The following WNK1 variants were observed in gnomAD, a reference collection of about 807,000 sequenced individuals.
The protein encoded by WNK1 is WNK lysine deficient protein kinase 1, also known as serine/threonine-protein kinase WNK1.
Under a neutral mutation model 222.8 loss-of-function variants are expected in WNK1, and 38 were observed. The ratio of observed to expected loss-of-function variants is 0.17; its 90% CI spans 0.13 to 0.22. The LOEUF is 0.22. WNK1 is among the 10% of genes least tolerant of loss of function. The pLI is 1.00. For synonymous variants in WNK1, 1,090 were observed against 1,092.9 expected (o/e 1.00, Z 0.05); for missense variants, 2,348 against 2,918.4 (o/e 0.80, Z 4.50).
At chr12:866,329 G>A (rs926082553) in intron 8 of WNK1, among the ~76,000 whole-genome samples, 2 of 152,158 alleles carry the variant, frequency 1.3e-5, no homozygotes, top group African/African-American at 4.8e-5. Context: ...AAAAAGCGGG[G>A]GAGGCTGTGA....
chr12:812,665 GT>G (rs1947014423), intron 1 of WNK1, among the ~76,000 whole-genome samples: 2 of 152,146 alleles, frequency 1.3e-5, no homozygotes, highest in Admixed American at 1.3e-4. Flanking sequence ...AATAATTGAT[GT>G]AATAACTGAA....
intron 4 of WNK1, among the ~76,000 whole-genome samples, chr12:836,707 T>A (rs998934386): frequency 6.6e-6 from 1 of 152,256 alleles, no homozygotes; most frequent in Admixed American, 6.5e-5. Context: ...AACTTAAAAG[T>A]ATGATTCTGA....
Position 885,964 on chromosome 12 carries a change from A to T in WNK1, c.5160A>T (p.Thr1720=). ...CLPPTNLPLG[T]VALPVTPVVT... is the part of the protein sequence containing the mutation. ...CACCAACCAATTTACCACTAGGAAC[A>T]GTTGCTTTGCCAGTTACACCAGTGG... is the stretch of plus-strand genomic sequence containing the variant. The change falls in exon 19 of 28, where the codon ACA becomes ACT. Residue 1720 remains threonine (T), a synonymous_variant. Transcript: ENST00000315939. The T allele has an allele frequency of 6.3e-7, 1 of 1,592,498 alleles. No individual in the cohort carries two copies. Among genetic ancestry groups the T allele is most frequent in the African/African-American group, 1.3e-5 (1 of 74,162 alleles).
intron 8 of WNK1, chr12:868,624 A>T: frequency 6.2e-7 from 1 of 1,614,018 alleles, no homozygotes; most frequent in Non-Finnish European, 8.5e-7. Context: ...GCAACTGTGT[A>T]TTTGAATTTC....
rs1245157534 is a variant in WNK1, at chr12:868,806, C to T, written c.2140-2459C>T. On this transcript the variant is annotated intron_variant, in intron 8 of 27. Transcript: ENST00000315939. ...ACTGAAGAAAAGCATAATTACCATGCCCCAGAATTGACCGTTTCTGTGGTA... is the reference window on the plus strand; with the variant it reads ...ACTGAAGAAAAGCATAATTACCATGTCCCAGAATTGACCGTTTCTGTGGTA... 15 of 1,613,902 alleles carry T rather than the reference C, an allele frequency of 9.3e-6. No individual in the cohort carries two copies. The highest frequency in any genetic ancestry group is 1.1e-5 in the Non-Finnish European group (13 of 1,179,900).
At chr12:890,554 C>T (rs200854033) in intron 22 of WNK1, 41 bp downstream of exon 22, 1 of 1,606,074 alleles carries the variant, frequency 6.2e-7, no homozygotes, top group East Asian at 2.2e-5. Context: ...CTAATTCCAG[C>T]CCTACCCGTA....
intron 25 of WNK1, among the ~76,000 whole-genome samples, chr12:899,087 G>A (rs996014297): frequency 2.6e-5 from 4 of 152,122 alleles, no homozygotes; most frequent in African/African-American, 4.8e-5. Context: ...TAATCCTTTG[G>A]TGAAATTATG....
intron 1 of WNK1, among the ~76,000 whole-genome samples, chr12:793,943 G>A (rs1945074452): frequency 6.6e-6 from 1 of 152,048 alleles, no homozygotes. Flanking sequence ...CCAGTTGTGT[G>A]GATAACCACT....
intron 26 of WNK1, chr12:904,560 C>G: frequency 9.0e-7 from 1 of 1,110,666 alleles, no homozygotes; most frequent in Non-Finnish European, 1.2e-6. Flanking sequence ...GTTCTTTCAA[C>G]TCTGCAGTCT....
At chr12:853,211 A>G (rs1950533658) in intron 4 of WNK1, among the ~76,000 whole-genome samples, 1 of 152,206 alleles carries the variant, frequency 6.6e-6, no homozygotes, top group South Asian at 2.1e-4. Flanking sequence ...TCTTGGCTGT[A>G]GGTTGAAAAA....
At chr12:798,898 A>G (rs12818073) in intron 1 of WNK1, among the ~76,000 whole-genome samples, 2 of 151,964 alleles carry the variant, frequency 1.3e-5, no homozygotes, top group Non-Finnish European at 2.9e-5. Flanking sequence ...TCTACCATCT[A>G]TTGTACGGGG....
intron 4 of WNK1, among the ~76,000 whole-genome samples, chr12:842,477 G>GTATTT (rs986435768): frequency 5.3e-5 from 8 of 152,156 alleles, no homozygotes; most frequent in South Asian, 2.1e-4. Context: ...GGCTAGGTCT[G>GTATTT]TATTTTATTT....
In WNK1 at chr12:896,411, C is replaced by T. The variant is rs1360808140; in HGVS notation, c.5924C>T (p.Pro1975Leu). 1 of 1,614,078 alleles carries T rather than the reference C, an allele frequency of 6.2e-7. No homozygotes were observed. Among genetic ancestry groups the T allele is most frequent in the South Asian group, 1.1e-5 (1 of 91,068 alleles). Reference protein sequence around the residue: ...DKITDTKKEGPVASPPFMDLE... With the variant: ...DKITDTKKEGLVASPPFMDLE... ...ATCACTGACACAAAGAAAGAAGGACCAGTGGCATCTCCTCCTTTTATGGAT... is the reference window on the plus strand; with the variant it reads ...ATCACTGACACAAAGAAAGAAGGACTAGTGGCATCTCCTCCTTTTATGGAT... The change falls in exon 24 of 28, where the codon CCA becomes CTA. Residue 1975 changes from proline (P) to leucine (L), a missense_variant. By Grantham distance (98) the Pro-to-Leu change is moderately conservative. This residue lies in a region of WNK1 where 1,144 missense variants were observed against 1,273.6 expected (regional missense o/e 0.90). Transcript: ENST00000315939.
intron 1 of WNK1, among the ~76,000 whole-genome samples, chr12:799,055 C>T (rs971947789): frequency 3.9e-5 from 6 of 152,128 alleles, no homozygotes; most frequent in African/African-American, 1.2e-4. Flanking sequence ...ACCTTCCCCC[C>T]GTCCCCAACT....
chr12:865,413 AC>A, intron 8 of WNK1: 1 of 1,499,074 alleles, frequency 6.7e-7, no homozygotes, highest in Non-Finnish European at 8.9e-7. Context: ...ACCAATGAAT[AC>A]ATCCAGGCAA....
intron 1 of WNK1, among the ~76,000 whole-genome samples, chr12:757,309 CTTTTTTTTTTTTT>C (rs946901263): frequency 1.2e-5 from 1 of 83,604 alleles, no homozygotes; most frequent in Non-Finnish European, 2.2e-5. Context: ...AGCATCAATT[CTTTTTTTTTTTTT>C]TTTTTTTTTT....
intron 12 of WNK1, among the ~76,000 whole-genome samples, 162 bp downstream of exon 12, chr12:881,161 T>C (rs995849583): frequency 3.3e-5 from 5 of 152,208 alleles, no homozygotes; most frequent in African/African-American, 9.6e-5. Flanking sequence ...GAAATGCCAA[T>C]GTGGGGTCCT....
At chr12:894,074 C>T (rs1027886182) in intron 22 of WNK1, among the ~76,000 whole-genome samples, 3 of 151,314 alleles carry the variant, frequency 2.0e-5, no homozygotes, top group Non-Finnish European at 2.9e-5. Context: ...AAAAATTAGC[C>T]GGGTGTGGTG....
Position 878,316 on chromosome 12 carries a change from G to C in WNK1, c.2328G>C (p.Gln776His), listed in dbSNP as rs1012729. Reference protein sequence around the residue: ...SEATTAQPVSQPQAPQVLPQV... With the variant: ...SEATTAQPVSHPQAPQVLPQV... The stretch of plus-strand genomic sequence containing the variant: ...CCACTACTGCACAGCCAGTGAGTCA[G>C]CCTCAAGCTCCACAAGTCTTGCCTC... Residue 776 changes from glutamine (Q) to histidine (H), a missense_variant, in exon 10 of 28, where the codon CAG becomes CAC. This residue lies in a region of WNK1 where 547 missense variants were observed against 558.3 expected (regional missense o/e 0.98). Coordinates refer to ENST00000315939, the MANE Select transcript of WNK1 (RefSeq NM_018979.4). The C allele has an allele frequency of 6.2e-7, 1 of 1,613,688 alleles. No homozygotes were observed. The highest frequency in any genetic ancestry group is 1.1e-5 in the South Asian group (1 of 91,068).
Sources: allele counts gnomAD v4.1 joint callset (sites outside exome capture counted in the v4.1 genomes callset), GRCh38; gene constraint gnomAD v4.1.1; regional missense constraint gnomAD v4.1.1; transcripts MANE v1.5; gene names NCBI Gene and HGNC (gene_info 2026-07-23, HGNC 2026-07-21).